BRWD3: variants seen among roughly 807,000 people sequenced by gnomAD.
The protein encoded by BRWD3 is bromodomain and WD repeat-containing protein 3.
Under a neutral mutation model 149.7 loss-of-function variants are expected in BRWD3, and 10 were observed. The observed-to-expected ratio is 0.07, with a 90% CI of 0.04 to 0.11. The LOEUF is 0.11. Ranked by LOEUF, BRWD3 falls within the 10% of genes least tolerant of loss-of-function variation. The pLI is 1.00. For synonymous variants in BRWD3, 504 were observed against 456.7 expected (o/e 1.10, Z -1.32); for missense variants, 940 against 1,373.2 (o/e 0.68, Z 4.99).
At chrX:80,723,648 T>C in intron 16 of BRWD3, 100 bp downstream of exon 16, 1 of 891,906 alleles carries the variant, frequency 1.1e-6, no homozygotes, top group Non-Finnish European at 1.6e-6. Flanking sequence ...TTTGTATCTA[T>C]TGACACATAA....
In BRWD3 at chrX:80,809,820, G is replaced by T. The variant is rs1363222099; in HGVS notation, c.-349C>A. The T allele has an allele frequency of 1.3e-5, 1 of 79,625 alleles. No individual in the cohort carries two copies. Among genetic ancestry groups the T allele is most frequent in the Non-Finnish European group, 2.5e-5 (1 of 39,838 alleles). 6.6% of individuals were successfully genotyped at this position (79,625 alleles called of 1,213,427 possible). A position where few individuals can be genotyped will look rare whatever the true frequency, so the allele number is the denominator to read the frequency against. On this transcript the variant is annotated 5_prime_UTR_variant, in exon 1 of 41. Transcript: ENST00000373275. ...GAGAGAGAGACGCGGGGGGTGGGGG[G>T]GCGGAGAGAGAGAGAGAGAGAGAGA...
chrX:80,684,269 C>T (rs967739076), intron 36 of BRWD3, 107 bp from the exon 37 acceptor site: 1 of 717,853 alleles, frequency 1.4e-6, no homozygotes. Flanking sequence ...AAACACATTG[C>T]TTTTCAATGT....
intron 24 of BRWD3, among the ~76,000 whole-genome samples, 171 bp downstream of exon 24, chrX:80,703,309 C>T (rs937310151): frequency 9.0e-6 from 1 of 110,821 alleles, no homozygotes; most frequent in African/African-American, 3.3e-5. Flanking sequence ...ACAAAGGATA[C>T]AAAGATTAAT....
chrX:80,704,160 T>C (rs1027498036), intron 23 of BRWD3, among the ~76,000 whole-genome samples: 2 of 110,487 alleles, frequency 1.8e-5, no homozygotes, highest in African/African-American at 3.3e-5. Context: ...AGCCTAGCAG[T>C]TCGAGTCTGC....
At chrX:80,725,483 G>C (rs1212232769) in intron 14 of BRWD3, among the ~76,000 whole-genome samples, 1 of 111,966 alleles carries the variant, frequency 8.9e-6, no homozygotes, top group East Asian at 2.8e-4. Context: ...TATTTTAGTA[G>C]GTCCCATGAT....
rs930627089 is a variant in BRWD3, at chrX:80,669,644, C to T, written c.*6965G>A. Among the ~76,000 whole-genome samples, 3 of 110,941 alleles carry T rather than the reference C, an allele frequency of 2.7e-5. No individual in the cohort carries two copies. The highest frequency in any genetic ancestry group is 5.7e-5 in the Non-Finnish European group (3 of 52,903). ...TTAAAAGCCAAGGGAGGAGGGAACA[C>T]GTTAGCAGTTTCCTTGACTTAAATT... On this transcript the variant is annotated 3_prime_UTR_variant, in exon 41 of 41. Transcript: ENST00000373275.
At chrX:80,752,994 T>C (rs1285990826) in intron 6 of BRWD3, among the ~76,000 whole-genome samples, 1 of 111,958 alleles carries the variant, frequency 8.9e-6, no homozygotes, top group African/African-American at 3.2e-5. Flanking sequence ...TGTTGGCCAT[T>C]TGCACGTCTT....
At chrX:80,695,625 A>C (rs1449148275) in intron 27 of BRWD3, among the ~76,000 whole-genome samples, 1 of 111,613 alleles carries the variant, frequency 9.0e-6, no homozygotes, top group East Asian at 2.8e-4. Flanking sequence ...TTAGAACCTA[A>C]GTGTAAAGTG....
rs2072491066 is a variant in BRWD3 at position 80,684,176 on chromosome X, T to C, written c.4081-14A>G. On this transcript the variant is annotated splice_polypyrimidine_tract_variant and intron_variant, in intron 36 of 40. Transcript: ENST00000373275. Reference sequence around the variant, plus strand: ...ATCTTGATAATCCTACAAAGAAGAATGTGTTATTAAATACTGTATAGCAAT... The same window carrying C: ...ATCTTGATAATCCTACAAAGAAGAACGTGTTATTAAATACTGTATAGCAAT... 3 of 1,187,034 alleles carry C rather than the reference T, an allele frequency of 2.5e-6. No individual in the cohort carries two copies. The highest frequency in any genetic ancestry group is 3.6e-5 in the South Asian group (2 of 56,267).
rs372613809 is a variant in BRWD3 at position 80,728,794 on chromosome X, T to C, written c.1344A>G (p.Lys448=). The C allele has an allele frequency of 2.5e-6, 3 of 1,206,005 alleles. No homozygotes were observed. The African/African-American group carries it at 5.2e-5, about 21-fold the overall frequency. ...VITAVNNFLL[K]VWNSITGQLL... The stretch of plus-strand genomic sequence containing the variant: ...GCTGTCCTGTGATAGAATTCCACAC[T>C]TTCAAAAGAAAATTGTTCACTGCAG... Residue 448 remains lysine (K), a synonymous_variant, in exon 14 of 41, where the codon AAA becomes AAG. Transcript: ENST00000373275.
At chrX:80,796,316 A>G (rs1011046607) in intron 4 of BRWD3, among the ~76,000 whole-genome samples, 4 of 110,302 alleles carry the variant, frequency 3.6e-5, no homozygotes, top group Non-Finnish European at 7.6e-5. Context: ...TTTTTAGTAG[A>G]GACGGGGTTT....
chrX:80,739,969 T>G (rs2073460866), intron 8 of BRWD3, among the ~76,000 whole-genome samples: 1 of 112,108 alleles, frequency 8.9e-6, no homozygotes, highest in Non-Finnish European at 1.9e-5. Context: ...AATGATTTTT[T>G]TCAATGGCAT....
At chrX:80,725,279 C>T (rs1047754273) in intron 14 of BRWD3, among the ~76,000 whole-genome samples, 1 of 111,477 alleles carries the variant, frequency 9.0e-6, no homozygotes, top group African/African-American at 3.2e-5. Flanking sequence ...AAACAGAAGA[C>T]CCAGAAATGT....
chrX:80,690,150 G>A, intron 31 of BRWD3, 58 bp from the exon 32 acceptor site: 1 of 1,113,112 alleles, frequency 9.0e-7, no homozygotes, highest in Non-Finnish European at 1.2e-6. Flanking sequence ...TATATTTTAG[G>A]AATATACAAT....
At chrX:80,741,006 C>T (rs2073483382) in intron 8 of BRWD3, among the ~76,000 whole-genome samples, 1 of 110,800 alleles carries the variant, frequency 9.0e-6, no homozygotes, top group African/African-American at 3.3e-5. Context: ...GTGTGCTGCA[C>T]CCATTAACTC....
chrX:80,711,270 TTCTA>T (rs2072963693), intron 20 of BRWD3, among the ~76,000 whole-genome samples: 1 of 111,679 alleles, frequency 9.0e-6, no homozygotes, highest in Non-Finnish European at 1.9e-5. Flanking sequence ...TTGCCCAAAT[TTCTA>T]TCTAAGAGGC....
chrX:80,758,247 C>T (rs1021604111), intron 6 of BRWD3, among the ~76,000 whole-genome samples: 1 of 111,678 alleles, frequency 9.0e-6, no homozygotes, highest in African/African-American at 3.3e-5. Context: ...AGGTCTCTGT[C>T]CTCGTGGAAT....
intron 6 of BRWD3, among the ~76,000 whole-genome samples, chrX:80,791,054 A>T (rs1487931848): frequency 8.9e-6 from 1 of 112,275 alleles, no homozygotes; most frequent in Non-Finnish European, 1.9e-5. Context: ...TTGTCTAAAT[A>T]TATCTTAAGA....
At chrX:80,804,323 T>G (rs896758962) in intron 4 of BRWD3, among the ~76,000 whole-genome samples, 2 of 109,931 alleles carry the variant, frequency 1.8e-5, no homozygotes, top group African/African-American at 6.6e-5. Context: ...CTGCAACCTC[T>G]GCTTCCAGGG....
Sources: gnomAD v4.1 joint callset for allele counts (sites outside exome capture counted in the v4.1 genomes callset) on GRCh38, gnomAD v4.1.1 for gene constraint, MANE v1.5 for transcripts, NCBI Gene and HGNC (gene_info 2026-07-23, HGNC 2026-07-21) for gene names.